Variants in EIPR1 observed in about 807,000 individuals in gnomAD.
EIPR1 encodes EARP complex and GARP complex interacting protein 1.
In EIPR1, 25 loss-of-function variants were observed where a neutral mutation model predicts 48.1. The observed-to-expected ratio is 0.52, with a 90% confidence interval of 0.38 to 0.73. The LOEUF is 0.73. EIPR1 is among the 30% of genes least tolerant of loss of function. The pLI is 0.00. For synonymous variants in EIPR1, 204 were observed against 201.9 expected (o/e 1.01, Z -0.09); for missense variants, 415 against 506.2 (o/e 0.82, Z 1.73).
At chr2:3,283,686 C>T (rs1443588167) in intron 3 of EIPR1, among the ~76,000 whole-genome samples, 1 of 152,204 alleles carries the variant, frequency 6.6e-6, no homozygotes, top group African/African-American at 2.4e-5. Flanking sequence ...AGGCTCCAAT[C>T]TAATCCCAGC....
At chr2:3,291,893 C>G (rs1368034687) in intron 3 of EIPR1, among the ~76,000 whole-genome samples, 1 of 152,232 alleles carries the variant, frequency 6.6e-6, no homozygotes, top group Admixed American at 6.5e-5. Context: ...AATGTCACAG[C>G]AGGTGGCACA....
chr2:3,254,620 G>A (rs7571868), intron 4 of EIPR1, among the ~76,000 whole-genome samples: 1 of 152,052 alleles, frequency 6.6e-6, no homozygotes, highest in Non-Finnish European at 1.5e-5. Flanking sequence ...TTACACTGTG[G>A]GTGATTCCAT....
chr2:3,257,038 C>G (rs1255824284), intron 4 of EIPR1, among the ~76,000 whole-genome samples: 1 of 152,234 alleles, frequency 6.6e-6, no homozygotes, highest in Non-Finnish European at 1.5e-5. Flanking sequence ...CCTTTACCCT[C>G]TGGCAGGTCC....
chr2:3,343,174 A>C (rs1280187075), intron 2 of EIPR1, among the ~76,000 whole-genome samples: 1 of 152,150 alleles, frequency 6.6e-6, no homozygotes, highest in Non-Finnish European at 1.5e-5. Context: ...CCGCCCCGCC[A>C]CCTGCCCTGT....
intron 3 of EIPR1, among the ~76,000 whole-genome samples, chr2:3,321,151 C>T (rs924779536): frequency 2.0e-5 from 3 of 152,168 alleles, no homozygotes; most frequent in Non-Finnish European, 2.9e-5. Flanking sequence ...GTGCTCCAAA[C>T]GACAGCTCCC....
At chr2:3,272,080 CTGCTAGCTCCCAACTTT>C (rs1667717068) in intron 3 of EIPR1, among the ~76,000 whole-genome samples, 1 of 152,362 alleles carries the variant, frequency 6.6e-6, no homozygotes, top group Non-Finnish European at 1.5e-5. Flanking sequence ...GAACCAACCT[CTGCTAGCTCCCAACTTT>C]TCTTCTGCAG....
At position 3,237,157 on chromosome 2, in the gene EIPR1, C is replaced by A. The variant is rs138266739; in HGVS notation, c.416+20142G>T. On this transcript the variant is annotated intron_variant, in intron 4 of 8. Transcript: ENST00000382125. ...GGCGAGGAGAACTGTCCAGAAAAAACCACAAATCATTAACCTGAGGAAAGA... is the reference window on the plus strand; with the variant it reads ...GGCGAGGAGAACTGTCCAGAAAAAAACACAAATCATTAACCTGAGGAAAGA... Among the ~76,000 whole-genome samples the A allele has an allele frequency of 1.3e-4, 19 of 146,718 alleles. No homozygotes were observed. The East Asian group carries it at 2.4e-3, about 18-fold the overall frequency.
rs114482745 is a variant in EIPR1 at position 3,309,396 on chromosome 2, G to A, written c.259+28621C>T. Among the ~76,000 whole-genome samples the A allele has an allele frequency of 4.0e-3, 607 of 152,258 alleles. 4 individuals are homozygous for A. Among genetic ancestry groups the A allele is most frequent in the African/African-American group, 0.014 (583 of 41,536 alleles). ...AAATCAAAATGGAGTATTAAAAAAC[G>A]TTCACATAACTCAGGAAGGTGAAAG... On this transcript the variant is annotated intron_variant, in intron 3 of 8. Transcript: ENST00000382125.
intron 1 of EIPR1, among the ~76,000 whole-genome samples, chr2:3,369,955 G>A (rs903646548): frequency 5.9e-5 from 9 of 151,476 alleles, no homozygotes; most frequent in Non-Finnish European, 4.4e-5. Context: ...CTTGACCCCT[G>A]ACCCCCGAGC....
intron 3 of EIPR1, among the ~76,000 whole-genome samples, chr2:3,299,618 TCTCTCTCACACACACACA>T (rs939641632): frequency 1.2e-4 from 15 of 125,976 alleles, no homozygotes; most frequent in African/African-American, 4.1e-4. Flanking sequence ...TCTCTCTCTC[TCTCTCTCACACACACACA>T]CACACACACA....
At chr2:3,278,364 C>G (rs1049886574) in intron 3 of EIPR1, among the ~76,000 whole-genome samples, 1 of 152,198 alleles carries the variant, frequency 6.6e-6, no homozygotes, top group Non-Finnish European at 1.5e-5. Flanking sequence ...GGAACCTCCT[C>G]CAAGCTACCA....
chr2:3,297,595 T>A (rs1572411360), intron 3 of EIPR1, among the ~76,000 whole-genome samples: 1 of 152,182 alleles, frequency 6.6e-6, no homozygotes, highest in African/African-American at 2.4e-5. Context: ...ACGGCAAACT[T>A]TTTCTGTAAA....
At chr2:3,325,818 G>A (rs1669679303) in intron 3 of EIPR1, among the ~76,000 whole-genome samples, 1 of 152,234 alleles carries the variant, frequency 6.6e-6, no homozygotes. Flanking sequence ...AAATCAAATA[G>A]AAGTAACACT....
intron 1 of EIPR1, among the ~76,000 whole-genome samples, chr2:3,370,449 G>C (rs1252192628): frequency 6.6e-6 from 1 of 152,282 alleles, no homozygotes; most frequent in East Asian, 1.9e-4. Flanking sequence ...CGAGCTACAG[G>C]AGGAAATTCA....
chr2:3,294,901 C>T lies in EIPR1; in HGVS notation c.260-37446G>A, dbSNP rs572830415. On this transcript the variant is annotated intron_variant, in intron 3 of 8. Coordinates refer to ENST00000382125, the MANE Select transcript of EIPR1 (RefSeq NM_003310.5). ...CTATACACATGCCCTCCATCCAGCCCATTCTCTCCCTGCACACACACCCGC... is the reference window on the plus strand; with the variant it reads ...CTATACACATGCCCTCCATCCAGCCTATTCTCTCCCTGCACACACACCCGC... 1.7e-3 allele frequency among the ~76,000 whole-genome samples: 205 copies of T among 123,206 alleles called. 3 individuals are homozygous for T. Among genetic ancestry groups the T allele is most frequent in the Non-Finnish European group, 3.0e-3 (179 of 58,872 alleles). The allele number at this position is 123,206 out of a possible 152,430, so 80.8% of individuals were successfully genotyped here. A position where few individuals can be genotyped will look rare whatever the true frequency, so the allele number is the denominator to read the frequency against.
In EIPR1 at chr2:3,197,010, C is replaced by T; in HGVS notation, c.524G>A (p.Ser175Asn). The change falls in exon 6 of 9, where the codon AGC (serine) becomes AAC (asparagine). Residue 175 changes from serine (S) to asparagine (N), a missense_variant. Ser to Asn is a conservative substitution (Grantham distance 46). Coordinates refer to ENST00000382125, the MANE Select transcript of EIPR1 (RefSeq NM_003310.5). ...QESSSQAVLA[S>N]SASLEGKGQL... ...TCCCTTCCCTTCCAGGGACGCTGAG[C>T]TGGCCAGCTGGGAGTGTCACGATGT... The T allele has an allele frequency of 1.9e-6, 3 of 1,613,746 alleles. No individual in the cohort carries two copies. Among genetic ancestry groups the T allele is most frequent in the Non-Finnish European group, 2.5e-6 (3 of 1,179,998 alleles).
intron 3 of EIPR1, among the ~76,000 whole-genome samples, chr2:3,329,212 CCCACCCACCAGG>C (rs1669806774): frequency 6.8e-6 from 1 of 147,458 alleles, no homozygotes; most frequent in Non-Finnish European, 1.5e-5. Context: ...TGAATCAGAG[CCCACCCACCAGG>C]CTCTAGTGAT....
At chr2:3,313,685 G>A (rs1669196921) in intron 3 of EIPR1, among the ~76,000 whole-genome samples, 1 of 152,182 alleles carries the variant, frequency 6.6e-6, no homozygotes, top group South Asian at 2.1e-4. Context: ...ATAGTAAGGA[G>A]CCTGGGCTTT....
At chr2:3,241,741 A>G (rs541133397) in intron 4 of EIPR1, among the ~76,000 whole-genome samples, 3 of 152,348 alleles carry the variant, frequency 2.0e-5, no homozygotes, top group African/African-American at 7.2e-5. Flanking sequence ...GGCTGTGTCA[A>G]TAAGCCCAGA....
Sources: gnomAD v4.1 joint callset for allele counts (sites outside exome capture counted in the v4.1 genomes callset) on GRCh38, gnomAD v4.1.1 for gene constraint, MANE v1.5 for transcripts, NCBI Gene and HGNC (gene_info 2026-07-23, HGNC 2026-07-21) for gene names.